Variants in UBE4B observed in about 807,000 individuals in gnomAD.
The protein encoded by UBE4B is ubiquitination factor E4B, also known as ubiquitin conjugation factor E4 B.
A neutral mutation model predicts 148.1 loss-of-function variants in UBE4B; 27 were observed. The observed-to-expected ratio is 0.18, with a 90% CI of 0.13 to 0.25. The LOEUF is 0.25. Among genes scored for constraint, UBE4B ranks in the 10% least tolerant of loss-of-function variants. The pLI, the probability that UBE4B is intolerant of heterozygous loss-of-function variation, is 1.00. For synonymous variants in UBE4B, 596 were observed against 619.3 expected, an observed-to-expected ratio of 0.96 and a Z score of 0.56; for missense variants, 1,170 against 1,662.4, an observed-to-expected ratio of 0.70 and a Z score of 5.15.
intron 17 of UBE4B, among the ~76,000 whole-genome samples, chr1:10,141,426 GA>G: frequency 6.6e-6 from 1 of 152,208 alleles, no homozygotes; most frequent in African/African-American, 2.4e-5. Flanking sequence ...CTGGAAGCTG[GA>G]AAAGGCGAGG....
chr1:10,072,692 AAAAAGT>A (rs1173400815), intron 2 of UBE4B: 5 of 510,360 alleles, frequency 9.8e-6, no homozygotes, highest in African/African-American at 9.8e-5. Flanking sequence ...CTATCTCATT[AAAAAGT>A]AAAAGTTTAT....
chr1:10,047,669 T>A (rs1643940572), intron 1 of UBE4B, among the ~76,000 whole-genome samples: 1 of 151,878 alleles, frequency 6.6e-6, no homozygotes, highest in Non-Finnish European at 1.5e-5. Flanking sequence ...ATTTTTTCTA[T>A]TTTTAGTAGA....
Position 10,106,374 on chromosome 1 carries a change from G to T in UBE4B, c.987G>T (p.Arg329=), listed in dbSNP as rs1645109630. 1 of 1,613,728 alleles carries T rather than the reference G, an allele frequency of 6.2e-7. No homozygotes were observed. The highest frequency in any genetic ancestry group is 8.5e-7 in the Non-Finnish European group (1 of 1,179,742). ...CGGGAAGCCAGCCTTCATCCCCGCG[G>T]TATCGCCCCTACACTGTCACTCACC... ...TAAGSQPSSP[R]YRPYTVTHPW... Residue 329 remains arginine, a synonymous_variant, in exon 7 of 28, where the codon CGG becomes CGT. Coordinates refer to ENST00000343090, the MANE Select transcript of UBE4B (RefSeq NM_001105562.3). This position sits in a 1 kb window ranked among gnomAD's most constrained non-coding sequence, Gnocchi z 4.2.
intron 10 of UBE4B, among the ~76,000 whole-genome samples, chr1:10,124,566 T>C (rs1281404510): frequency 2.0e-5 from 3 of 152,230 alleles, no homozygotes; most frequent in Non-Finnish European, 4.4e-5. Flanking sequence ...TCTTTTCTTA[T>C]GTGCTACCAT....
intron 2 of UBE4B, among the ~76,000 whole-genome samples, chr1:10,092,406 G>T (rs1053500412): frequency 6.6e-6 from 1 of 151,724 alleles, no homozygotes; most frequent in East Asian, 2.0e-4. Flanking sequence ...TGTATTTTTA[G>T]TAGAGACAGA....
chr1:10,104,646 C>A (rs1411139333), intron 5 of UBE4B, among the ~76,000 whole-genome samples: 1 of 152,168 alleles, frequency 6.6e-6, no homozygotes, highest in African/African-American at 2.4e-5. Flanking sequence ...TGGAGCAGAC[C>A]ATGTATTTGA....
At chr1:10,138,202 A>G (rs982717970) in intron 17 of UBE4B, among the ~76,000 whole-genome samples, 46 of 151,446 alleles carry the variant, frequency 3.0e-4, no homozygotes, top group African/African-American at 1.0e-3. Flanking sequence ...GGTTCAAGCA[A>G]TTCTCCTGTC....
chr1:10,141,485 C>T (rs774459024), intron 17 of UBE4B, among the ~76,000 whole-genome samples: 5 of 152,044 alleles, frequency 3.3e-5, no homozygotes, highest in Non-Finnish European at 5.9e-5. Flanking sequence ...CCCTGCTGAC[C>T]CCTTTTAGAC....
Position 10,033,602 on chromosome 1 carries a change from T to C in UBE4B, c.-69T>C. On this transcript the variant is annotated 5_prime_UTR_variant, in exon 1 of 28. Coordinates refer to ENST00000343090, the MANE Select transcript of UBE4B (RefSeq NM_001105562.3). Reference sequence around the variant, plus strand: ...GCCTGATAGACACCTTCCACTCTCCTTCCTCCCGCCGTGGTCTCGAGAACA... The same window carrying C: ...GCCTGATAGACACCTTCCACTCTCCCTCCTCCCGCCGTGGTCTCGAGAACA... The C allele has an allele frequency of 6.9e-7, 1 of 1,450,080 alleles. No individual in the cohort carries two copies. Among genetic ancestry groups the C allele is most frequent in the Non-Finnish European group, 9.1e-7 (1 of 1,094,240 alleles). 89.8% of individuals were successfully genotyped at this position (1,450,080 alleles called of 1,614,324 possible).
At chr1:10,118,773 G>T (rs185865465) in intron 8 of UBE4B, among the ~76,000 whole-genome samples, 12 of 149,194 alleles carry the variant, frequency 8.0e-5, no homozygotes, top group Admixed American at 2.7e-4. Context: ...CAAAGTGCTG[G>T]GATTACAAGT....
At chr1:10,077,984 A>G (rs1644611776) in intron 2 of UBE4B, among the ~76,000 whole-genome samples, 1 of 149,498 alleles carries the variant, frequency 6.7e-6, no homozygotes, top group African/African-American at 2.4e-5. Context: ...GATGAATGCC[A>G]CTTTTTTATA....
chr1:10,090,793 TTG>T (rs57486350), intron 2 of UBE4B, among the ~76,000 whole-genome samples: 3,783 of 141,164 alleles, frequency 0.027, 56 homozygotes, highest in Middle Eastern at 0.042. Flanking sequence ...GCCTATGCAT[TTG>T]TGTGTGTGTG....
chr1:10,060,094 G>T (rs1321410857), intron 1 of UBE4B, among the ~76,000 whole-genome samples: 1 of 151,984 alleles, frequency 6.6e-6, no homozygotes, highest in East Asian at 1.9e-4. Flanking sequence ...TGTGTGGAGG[G>T]GGTTGGGAAA....
At chr1:10,153,746 G>A (rs952310209) in intron 21 of UBE4B, among the ~76,000 whole-genome samples, 2 of 151,902 alleles carry the variant, frequency 1.3e-5, no homozygotes, top group South Asian at 2.1e-4. Flanking sequence ...TCAAGAGATC[G>A]AGATGAGCCT....
At chr1:10,162,174 TTTTG>T (rs1320764164) in intron 23 of UBE4B, among the ~76,000 whole-genome samples, 2 of 151,876 alleles carry the variant, frequency 1.3e-5, no homozygotes, top group East Asian at 1.9e-4. Context: ...AGTTTTTGTA[TTTTG>T]TTTGTTTGTT....
At chr1:10,129,272 G>A (rs1570943402) in intron 11 of UBE4B, 120 bp from the exon 12 acceptor site, 1 of 718,180 alleles carries the variant, frequency 1.4e-6, no homozygotes, top group East Asian at 2.6e-5. Flanking sequence ...CAGAGGGAAT[G>A]CATGTGTGCC....
rs748429885 is a variant in UBE4B at position 10,130,742 on chromosome 1, G to A, written c.1840G>A (p.Gly614Arg). 3.1e-6 allele frequency: 5 copies of A among 1,614,082 alleles called. No individual in the cohort carries two copies. In the South Asian group the frequency reaches 4.4e-5, roughly 14 times the overall value. Reference protein sequence around the residue: ...DVKVVEKYFSGPAITLENTRV... With the variant: ...DVKVVEKYFSRPAITLENTRV... ...TAAAGTGGTTGAAAAATACTTCTCA[G>A]GGCCTGCCATTACCCTGGAAAACAC... Residue 614 changes from glycine (G) to arginine (R), a missense_variant, in exon 14 of 28, where the codon GGG becomes AGG. This residue lies in a region of UBE4B where 388 missense variants were observed against 536.0 expected (regional missense o/e 0.72). Coordinates refer to ENST00000343090, the MANE Select transcript of UBE4B (RefSeq NM_001105562.3).
intron 17 of UBE4B, among the ~76,000 whole-genome samples, chr1:10,143,639 A>T (rs1331050784): frequency 6.6e-6 from 1 of 152,214 alleles, no homozygotes; most frequent in Admixed American, 6.5e-5. Context: ...CCCTCGAAGG[A>T]TTCGGATGCG....
At chr1:10,110,737 A>G (rs555860906) in intron 7 of UBE4B, among the ~76,000 whole-genome samples, 1 of 152,264 alleles carries the variant, frequency 6.6e-6, no homozygotes, top group East Asian at 1.9e-4. Context: ...TTATATGAGT[A>G]GAGAAAGGGA....
Sources: allele counts gnomAD v4.1 joint callset (sites outside exome capture counted in the v4.1 genomes callset), GRCh38; gene constraint gnomAD v4.1.1; regional missense constraint gnomAD v4.1.1; non-coding constraint Gnocchi (gnomAD v3.1); transcripts MANE v1.5; gene names NCBI Gene and HGNC (gene_info 2026-07-23, HGNC 2026-07-21).